ADAMTS18: variants seen among roughly 807,000 people sequenced by gnomAD.
ADAMTS18 encodes the protein ADAM metallopeptidase with thrombospondin type 1 motif 18.
Under a neutral mutation model 165.9 loss-of-function variants are expected in ADAMTS18, and 157 were observed. The observed-to-expected ratio is 0.95, with a 90% CI of 0.83 to 1.08. The LOEUF (loss-of-function observed/expected upper bound fraction) is 1.08. Among genes scored for constraint, ADAMTS18 ranks in the 50% least tolerant of loss-of-function variants. The pLI is 0.00. For synonymous variants in ADAMTS18, 782 were observed against 578.2 expected, an observed-to-expected ratio of 1.35 and a Z score of -5.06; for missense variants, 2,040 against 1,534.0, an observed-to-expected ratio of 1.33 and a Z score of -5.51.
chr16:77,336,249 A>G (rs879898566), intron 11 of ADAMTS18, among the ~76,000 whole-genome samples: 11 of 152,148 alleles, frequency 7.2e-5, no homozygotes, highest in Admixed American at 1.3e-4. Context: ...TGCCACTGAG[A>G]GACAACACTA....
intron 22 of ADAMTS18, 46 bp from the exon 23 acceptor site, chr16:77,284,117 CT>C: frequency 1.6e-6 from 2 of 1,284,992 alleles, no homozygotes; most frequent in Non-Finnish European, 2.2e-6. Context: ...GGTGTCTATC[CT>C]TTTTCTTTTT....
At chr16:77,400,452 G>GTC (rs1195489345) in intron 3 of ADAMTS18, among the ~76,000 whole-genome samples, 1 of 72,172 alleles carries the variant, frequency 1.4e-5, no homozygotes, top group East Asian at 3.4e-4. Flanking sequence ...GTGTGTGTGT[G>GTC]TGTCTGTGTG....
intron 20 of ADAMTS18, 113 bp downstream of exon 20, chr16:77,292,963 G>C: frequency 1.5e-6 from 2 of 1,324,646 alleles, no homozygotes; most frequent in Non-Finnish European, 2.1e-6. Flanking sequence ...CAGACTACAG[G>C]CGCCTGCCAC....
intron 9 of ADAMTS18, among the ~76,000 whole-genome samples, chr16:77,354,404 T>A (rs2056599034): frequency 6.6e-6 from 1 of 152,022 alleles, no homozygotes; most frequent in Non-Finnish European, 1.5e-5. Flanking sequence ...ATAACATTCC[T>A]AAAGAATCAA....
chr16:77,324,963 C>T (rs375109045), intron 13 of ADAMTS18, among the ~76,000 whole-genome samples: 1 of 152,128 alleles, frequency 6.6e-6, no homozygotes, highest in East Asian at 1.9e-4. Context: ...AATGGCTAGG[C>T]TGATACTGAG....
intron 4 of ADAMTS18, among the ~76,000 whole-genome samples, chr16:77,367,067 G>C (rs867451059): frequency 6.6e-6 from 1 of 152,050 alleles, no homozygotes; most frequent in Admixed American, 6.6e-5. Context: ...TAATGTTCTT[G>C]TTTCTGGAAG....
Position 77,434,876 on chromosome 16 carries a change from C to G in ADAMTS18, c.-181G>C, listed in dbSNP as rs2057778778. The G allele has an allele frequency of 1.1e-5, 5 of 454,236 alleles. No homozygotes were observed. The highest frequency in any genetic ancestry group is 1.8e-5 in the Non-Finnish European group (5 of 276,918). The allele number at this position is 454,236 out of a possible 1,614,324, so 28.1% of individuals were successfully genotyped here. A position where few individuals can be genotyped will look rare whatever the true frequency, so the allele number is the denominator to read the frequency against. ...ACCTCCCCTCCTCCGGCCGCCTGCG[C>G]GCCCTCCCTTCTCCCGGCGCGGGCC... On this transcript the variant is annotated 5_prime_UTR_variant, in exon 1 of 23. Transcript: ENST00000282849.
Position 77,291,477 on chromosome 16 carries a change from C to A in ADAMTS18, c.3191G>T (p.Cys1064Phe). Residue 1064 changes from cysteine to phenylalanine, a missense_variant and splice_region_variant, in exon 21 of 23, where the codon TGT becomes TTT. Coordinates refer to ENST00000282849, the MANE Select transcript of ADAMTS18 (RefSeq NM_199355.4). ...LQWVASSWSE[C>F]SATCGLGVRK... Reference sequence around the variant, plus strand: ...CACACCCAAACCACAGGTTGCAGAACACTAGGAGCCAAGACAGGATGTGTA... The same window carrying A: ...CACACCCAAACCACAGGTTGCAGAAAACTAGGAGCCAAGACAGGATGTGTA... 6.2e-7 allele frequency: 1 copy of A among 1,614,124 alleles called. No individual in the cohort carries two copies. Among genetic ancestry groups the A allele is most frequent in the Non-Finnish European group, 8.5e-7 (1 of 1,179,990 alleles).
intron 18 of ADAMTS18, among the ~76,000 whole-genome samples, chr16:77,295,372 T>A (rs1442294813): frequency 6.6e-6 from 1 of 152,158 alleles, no homozygotes; most frequent in Non-Finnish European, 1.5e-5. Context: ...TGAGAAGAAA[T>A]ACATGCCACT....
At position 77,314,635 on chromosome 16, in the gene ADAMTS18, A is replaced by ATG. The variant is rs1567474595; in HGVS notation, c.2532+5212_2532+5213dup. On this transcript the variant is annotated intron_variant, in intron 16 of 22. Transcript: ENST00000282849. ...CTCAAAAAAAAAAAAATGTGTGTGT[A>ATG]TGTGTGTGTGTGTGTATATATATAT... 2.2e-4 allele frequency among the ~76,000 whole-genome samples: 29 copies of ATG among 133,912 alleles called. No homozygotes were observed. In the East Asian group the frequency reaches 3.6e-3, roughly 17 times the overall value. The allele number at this position is 133,912 out of a possible 152,430, so 87.9% of individuals were successfully genotyped here.
chr16:77,295,063 T>C lies in ADAMTS18; in HGVS notation c.2866A>G (p.Ile956Val). ...AAGGGCTTCTTTTGCACACACTGGA[T>C]CTTTCGGCTCTGCTGGCCTCCAGCA... is the stretch of plus-strand genomic sequence containing the variant. ...ACAGGQQSRK[I>V]QCVQKKPFQK... The change falls in exon 19 of 23, where the codon ATC becomes GTC. Residue 956 changes from isoleucine to valine, a missense_variant. Coordinates refer to ENST00000282849, the MANE Select transcript of ADAMTS18 (RefSeq NM_199355.4). 2 of 1,614,172 alleles carry C rather than the reference T, an allele frequency of 1.2e-6. No individual in the cohort carries two copies. Among genetic ancestry groups the C allele is most frequent in the Non-Finnish European group, 1.7e-6 (2 of 1,180,028 alleles).
At chr16:77,431,779 T>C in intron 2 of ADAMTS18, 168 bp from the exon 3 acceptor site, 1 of 722,662 alleles carries the variant, frequency 1.4e-6, no homozygotes, top group South Asian at 1.6e-5. Context: ...AGAAGACCTG[T>C]CTCTACAACT....
chr16:77,379,218 T>C (rs1315759721), intron 3 of ADAMTS18, among the ~76,000 whole-genome samples: 1 of 152,166 alleles, frequency 6.6e-6, no homozygotes, highest in Non-Finnish European at 1.5e-5. Context: ...TTCACCACCA[T>C]AAGGTTCACC....
chr16:77,282,182 T>C lies in ADAMTS18; in HGVS notation c.*1774A>G, dbSNP rs1009019850. ...ATAAAACTTATAAAATAATTAAATATTACACATATATTTTGACTTTTCTCT... is the reference window on the plus strand; with the variant it reads ...ATAAAACTTATAAAATAATTAAATACTACACATATATTTTGACTTTTCTCT... On this transcript the variant is annotated 3_prime_UTR_variant, in exon 23 of 23. Coordinates refer to ENST00000282849, the MANE Select transcript of ADAMTS18 (RefSeq NM_199355.4). The C allele has an allele frequency of 2.0e-5, 3 of 152,130 alleles. No homozygotes were observed. Among genetic ancestry groups the C allele is most frequent in the Non-Finnish European group, 2.9e-5 (2 of 68,012 alleles). 9.4% of individuals were successfully genotyped at this position (152,130 alleles called of 1,614,324 possible). A position where few individuals can be genotyped will look rare whatever the true frequency, so the allele number is the denominator to read the frequency against.
rs1047516748 is a variant in ADAMTS18, at chr16:77,434,732, C to A, written c.-37G>T. The A allele has an allele frequency of 3.0e-5, 42 of 1,402,146 alleles. No homozygotes were observed. The highest frequency in any genetic ancestry group is 2.0e-4 in the Admixed American group (7 of 34,964). The allele number at this position is 1,402,146 out of a possible 1,614,324, so 86.9% of individuals were successfully genotyped here. ...GACGCGGCGGCTGCGGGTGGCCAGA[C>A]GCGGCAGGCGGAGCGCACGGGCGGC... On this transcript the variant is annotated 5_prime_UTR_variant, in exon 1 of 23. Coordinates refer to ENST00000282849, the MANE Select transcript of ADAMTS18 (RefSeq NM_199355.4).
intron 3 of ADAMTS18, among the ~76,000 whole-genome samples, chr16:77,402,560 T>G (rs1002900580): frequency 1.3e-5 from 2 of 152,236 alleles, no homozygotes; most frequent in Non-Finnish European, 2.9e-5. Context: ...ATTTCAACTC[T>G]GCGAGCAAAT....
chr16:77,350,182 T>G (rs2056535618), intron 10 of ADAMTS18, among the ~76,000 whole-genome samples: 1 of 152,190 alleles, frequency 6.6e-6, no homozygotes, highest in South Asian at 2.1e-4. Context: ...GCTTTGAGTC[T>G]TTCCAGATAA....
chr16:77,379,916 G>C (rs1433762759), intron 3 of ADAMTS18, among the ~76,000 whole-genome samples: 2 of 152,148 alleles, frequency 1.3e-5, no homozygotes, highest in Non-Finnish European at 2.9e-5. Flanking sequence ...TGCATCACTG[G>C]GCAAAGTTGA....
chr16:77,383,132 T>C (rs16945565), intron 3 of ADAMTS18, among the ~76,000 whole-genome samples: 54,316 of 151,792 alleles, frequency 0.36, 10,109 homozygotes, highest in East Asian at 0.58. Flanking sequence ...TCCAGTCTGG[T>C]CATGTATTGC....
Sources: allele counts gnomAD v4.1 joint callset (sites outside exome capture counted in the v4.1 genomes callset), GRCh38; gene constraint gnomAD v4.1.1; transcripts MANE v1.5; gene names NCBI Gene and HGNC (gene_info 2026-07-23, HGNC 2026-07-21).